PPARGC1A: variants seen among roughly 807,000 people sequenced by gnomAD.
The protein encoded by PPARGC1A is PPARG coactivator 1 alpha, also known as peroxisome proliferator-activated receptor gamma coactivator 1-alpha.
PPARGC1A carries 25 observed loss-of-function variants against 88.7 expected under a neutral mutation model. The ratio of observed to expected loss-of-function variants is 0.28; its 90% CI spans 0.21 to 0.39. The LOEUF is 0.39. Ranked by LOEUF, PPARGC1A falls within the 10% of genes least tolerant of loss-of-function variation. The pLI is 1.00. For missense variants in PPARGC1A, 880 were observed against 968.7 expected (o/e 0.91, Z 1.22); for synonymous variants, 363 against 355.6 (o/e 1.02, Z -0.24).
At chr4:24,075,941 A>G in the PPARGC1A span, among the ~76,000 whole-genome samples, 1 of 152,212 alleles carries the variant, frequency 6.6e-6, no homozygotes, top group Admixed American at 6.5e-5. Flanking sequence ...ACACCATAAG[A>G]CCTGAAAACA....
the PPARGC1A span, among the ~76,000 whole-genome samples, chr4:24,184,804 G>C: frequency 1.3e-5 from 2 of 152,082 alleles, no homozygotes; most frequent in Non-Finnish European, 2.9e-5. Flanking sequence ...CATTTTCTAG[G>C]GTCAAGAAAC....
intron 5 of PPARGC1A, chr4:23,825,032 T>C (rs1015540180): frequency 6.3e-6 from 1 of 159,444 alleles, no homozygotes; most frequent in Non-Finnish European, 1.4e-5. Flanking sequence ...TGGGCATTGA[T>C]CCAGATGGTT....
At chr4:24,374,634 A>G in the PPARGC1A span, among the ~76,000 whole-genome samples, 1 of 152,124 alleles carries the variant, frequency 6.6e-6, no homozygotes, top group Non-Finnish European at 1.5e-5. Flanking sequence ...AGTAAGCACA[A>G]GAAAAGATGC....
intron 10 of PPARGC1A, among the ~76,000 whole-genome samples, chr4:23,803,611 A>G (rs1719189242): frequency 6.6e-6 from 1 of 152,224 alleles, no homozygotes; most frequent in Non-Finnish European, 1.5e-5. Context: ...CCAAGAAGAT[A>G]AGGCCAAAAG....
the PPARGC1A span, among the ~76,000 whole-genome samples, chr4:24,226,203 G>GTT: frequency 6.6e-6 from 1 of 152,154 alleles, no homozygotes; most frequent in African/African-American, 2.4e-5. Context: ...ATGTGCTCAC[G>GTT]TTTGTCTGAA....
chr4:23,949,752 G>A, the PPARGC1A span, among the ~76,000 whole-genome samples: 3 of 152,092 alleles, frequency 2.0e-5, no homozygotes, highest in Admixed American at 2.0e-4. Flanking sequence ...AAGGACAAGA[G>A]CCACCCCTTC....
the PPARGC1A span, among the ~76,000 whole-genome samples, chr4:24,290,652 G>A: frequency 6.6e-6 from 1 of 152,128 alleles, no homozygotes; most frequent in Admixed American, 6.5e-5. Context: ...GGAGGGCAGG[G>A]ACTTCAGTTC....
At chr4:24,395,631 G>A in the PPARGC1A span, among the ~76,000 whole-genome samples, 9 of 152,324 alleles carry the variant, frequency 5.9e-5, no homozygotes, top group Middle Eastern at 3.4e-3. Flanking sequence ...TTCTTCCAAC[G>A]GACAGAGCAG....
the PPARGC1A span, among the ~76,000 whole-genome samples, chr4:23,937,355 G>T: frequency 8.5e-5 from 13 of 152,052 alleles, no homozygotes; most frequent in Admixed American, 6.5e-5. Context: ...TGCTGATCCC[G>T]TCTGTACCAG....
chr4:24,422,590 T>C, the PPARGC1A span, among the ~76,000 whole-genome samples: 1 of 148,242 alleles, frequency 6.7e-6, no homozygotes, highest in East Asian at 2.0e-4. Context: ...TACATAGTAG[T>C]AAGTGAATAT....
intron 2 of PPARGC1A, among the ~76,000 whole-genome samples, chr4:23,835,202 TTAGCTC>T (rs1725780883): frequency 6.6e-6 from 1 of 152,200 alleles, no homozygotes; most frequent in Admixed American, 6.5e-5. Context: ...CAATGGCGCC[TTAGCTC>T]TATCCCTAGT....
the PPARGC1A span, among the ~76,000 whole-genome samples, chr4:24,316,503 T>C: frequency 1.2e-4 from 18 of 152,344 alleles, no homozygotes; most frequent in African/African-American, 4.1e-4. Flanking sequence ...ACAAATGAAC[T>C]TTTCCTAGAT....
the PPARGC1A span, among the ~76,000 whole-genome samples, chr4:24,453,433 G>A: frequency 1.3e-5 from 2 of 152,246 alleles, no homozygotes; most frequent in South Asian, 2.1e-4. Context: ...AGCAAAAGGA[G>A]AAGGAAAGCA....
chr4:24,446,687 C>G, the PPARGC1A span, among the ~76,000 whole-genome samples: 1 of 151,612 alleles, frequency 6.6e-6, no homozygotes, highest in African/African-American at 2.4e-5. Context: ...ACCTCCGCCC[C>G]CTAGGTTCAA....
the PPARGC1A span, among the ~76,000 whole-genome samples, chr4:24,164,256 C>T: frequency 3.3e-5 from 5 of 152,074 alleles, no homozygotes; most frequent in East Asian, 1.9e-4. Flanking sequence ...GGCTGGTACC[C>T]GATGCAGAAG....
the PPARGC1A span, among the ~76,000 whole-genome samples, chr4:24,146,986 G>A: frequency 4.6e-5 from 7 of 152,162 alleles, no homozygotes; most frequent in African/African-American, 1.7e-4. Flanking sequence ...TAGCCCCCAT[G>A]CCTGGAACAG....
the PPARGC1A span, among the ~76,000 whole-genome samples, chr4:24,151,923 C>G: frequency 6.6e-6 from 1 of 152,186 alleles, no homozygotes; most frequent in South Asian, 2.1e-4. Flanking sequence ...CAATAAAACT[C>G]AGAGCTTGTG....
chr4:24,108,141 G>A, the PPARGC1A span, among the ~76,000 whole-genome samples: 4 of 152,198 alleles, frequency 2.6e-5, no homozygotes, highest in African/African-American at 9.6e-5. Context: ...AAATTGCCTT[G>A]GTTAGCTTAA....
At chr4:24,046,276 CT>C in the PPARGC1A span, among the ~76,000 whole-genome samples, 1 of 152,150 alleles carries the variant, frequency 6.6e-6, no homozygotes, top group Non-Finnish European at 1.5e-5. Flanking sequence ...CAAGTTTCTT[CT>C]CTTCCTAGGT....
Sources: gnomAD v4.1 joint callset for allele counts (sites outside exome capture counted in the v4.1 genomes callset) on GRCh38, gnomAD v4.1.1 for gene constraint, MANE v1.5 for transcripts, NCBI Gene and HGNC (gene_info 2026-07-23, HGNC 2026-07-21) for gene names.